The following SDCCAG8 variants were observed in gnomAD, a reference collection of about 807,000 sequenced individuals.
The protein encoded by SDCCAG8 is serologically defined colon cancer antigen 8.
Under a neutral mutation model 101.8 loss-of-function variants are expected in SDCCAG8, and 74 were observed. The observed-to-expected ratio is 0.73, with a 90% confidence interval of 0.60 to 0.88. The LOEUF (loss-of-function observed/expected upper bound fraction) is 0.88. Ranked by LOEUF, SDCCAG8 falls within the 40% of genes least tolerant of loss-of-function variation. SDCCAG8 has a pLI of 0.00. For missense variants in SDCCAG8, 787 were observed against 822.6 expected, an observed-to-expected ratio of 0.96 and a Z score of 0.53; for synonymous variants, 281 against 292.9, an observed-to-expected ratio of 0.96 and a Z score of 0.41.
intron 9 of SDCCAG8, chr1:243,318,594 T>C (rs1221078409): frequency 3.0e-6 from 3 of 984,594 alleles, no homozygotes; most frequent in African/African-American, 1.7e-5. Flanking sequence ...ATCCAGTTCA[T>C]CCATAACTCT....
At chr1:243,477,012 A>ACG (rs1662552280) in intron 16 of SDCCAG8, among the ~76,000 whole-genome samples, 1 of 78,662 alleles carries the variant, frequency 1.3e-5, no homozygotes, top group Non-Finnish European at 3.0e-5. Context: ...ACACACACAC[A>ACG]CACACACACA....
At chr1:243,303,700 ATG>A (rs952431237) in intron 6 of SDCCAG8, among the ~76,000 whole-genome samples, 3 of 152,210 alleles carry the variant, frequency 2.0e-5, no homozygotes, top group Admixed American at 6.5e-5. Context: ...CATACAAAAT[ATG>A]TGTTAATTGT....
chr1:243,462,984 C>T (rs1659435855), intron 16 of SDCCAG8, among the ~76,000 whole-genome samples: 1 of 152,246 alleles, frequency 6.6e-6, no homozygotes, highest in Admixed American at 6.5e-5. Flanking sequence ...TCTCTGAAAG[C>T]TGTTTATTTT....
At chr1:243,412,759 T>A (rs1187339014) in intron 13 of SDCCAG8, among the ~76,000 whole-genome samples, 3 of 152,124 alleles carry the variant, frequency 2.0e-5, no homozygotes, top group Non-Finnish European at 4.4e-5. Context: ...AACATTTTAA[T>A]CCTACCTCTG....
At chr1:243,331,745 T>G (rs1328683380) in intron 10 of SDCCAG8, among the ~76,000 whole-genome samples, 1 of 152,210 alleles carries the variant, frequency 6.6e-6, no homozygotes, top group Non-Finnish European at 1.5e-5. Context: ...GTCCTTTCAG[T>G]GCTTTCTAGC....
At chr1:243,288,778 G>A (rs1410444114) in intron 5 of SDCCAG8, among the ~76,000 whole-genome samples, 6 of 152,138 alleles carry the variant, frequency 3.9e-5, no homozygotes, top group Admixed American at 2.6e-4. Context: ...GGAGACCAAG[G>A]TGGGTGGATC....
intron 16 of SDCCAG8, among the ~76,000 whole-genome samples, chr1:243,470,580 C>A (rs770485642): frequency 6.6e-6 from 1 of 151,418 alleles, no homozygotes; most frequent in Non-Finnish European, 1.5e-5. Flanking sequence ...AGGATTTCAA[C>A]GGTGTCAACA....
chr1:243,423,811 T>C (rs912867391), intron 15 of SDCCAG8, among the ~76,000 whole-genome samples: 8 of 152,222 alleles, frequency 5.3e-5, no homozygotes, highest in Middle Eastern at 3.4e-3. Context: ...GTGGACTAAG[T>C]AATATCTGGG....
chr1:243,492,707 A>G (rs1225137214), intron 17 of SDCCAG8, among the ~76,000 whole-genome samples: 3 of 145,940 alleles, frequency 2.1e-5, no homozygotes, highest in Non-Finnish European at 4.5e-5. Flanking sequence ...TCCTGGGTTC[A>G]AGCAATTCTC....
intron 13 of SDCCAG8, 71 bp from the exon 14 acceptor site, chr1:243,415,631 C>T: frequency 6.2e-7 from 1 of 1,602,806 alleles, no homozygotes; most frequent in Non-Finnish European, 8.5e-7. Flanking sequence ...TCTCTCTGGT[C>T]TATAGGGGAC....
chr1:243,361,892 T>C (rs985378478), intron 12 of SDCCAG8, among the ~76,000 whole-genome samples: 1 of 152,262 alleles, frequency 6.6e-6, no homozygotes, highest in Non-Finnish European at 1.5e-5. Context: ...CATTAAAATG[T>C]AGGTTGTTTG....
intron 1 of SDCCAG8, among the ~76,000 whole-genome samples, chr1:243,266,965 C>A (rs754218422): frequency 2.0e-3 from 250 of 125,584 alleles, no homozygotes; most frequent in Non-Finnish European, 3.9e-3. Context: ...AAAAAAAATG[C>A]TGGGCGCGGT....
chr1:243,401,851 T>G (rs770665735), intron 13 of SDCCAG8, among the ~76,000 whole-genome samples: 1 of 152,196 alleles, frequency 6.6e-6, no homozygotes, highest in African/African-American at 2.4e-5. Context: ...AAATCATAGG[T>G]GAGTGGCTGA....
At chr1:243,368,211 CAAA>C (rs60270982) in intron 12 of SDCCAG8, among the ~76,000 whole-genome samples, 8 of 142,700 alleles carry the variant, frequency 5.6e-5, no homozygotes, top group Admixed American at 7.0e-5. Flanking sequence ...GACCCTGTCT[CAAA>C]AAAAAAAAAA....
chr1:243,378,682 A>G, intron 12 of SDCCAG8, 39 bp from the exon 13 acceptor site: 1 of 1,608,684 alleles, frequency 6.2e-7, no homozygotes, highest in Non-Finnish European at 8.5e-7. Flanking sequence ...AAGTGCATGT[A>G]TTTTATATGG....
chr1:243,426,033 G>A (rs1301731216), intron 15 of SDCCAG8, among the ~76,000 whole-genome samples: 1 of 152,162 alleles, frequency 6.6e-6, no homozygotes, highest in Non-Finnish European at 1.5e-5. Context: ...CATTAAACTG[G>A]TTATGTTAAT....
intron 16 of SDCCAG8, among the ~76,000 whole-genome samples, chr1:243,446,700 T>C (rs2082933306): frequency 6.6e-6 from 1 of 152,144 alleles, no homozygotes; most frequent in Non-Finnish European, 1.5e-5. Context: ...GTGGAGCTTT[T>C]ATATACTGAG....
At chr1:243,274,768 A>C (rs899369494) in intron 4 of SDCCAG8, 112 bp downstream of exon 4, 1 of 669,388 alleles carries the variant, frequency 1.5e-6, no homozygotes, top group African/African-American at 1.8e-5. Flanking sequence ...TACATTGACA[A>C]TTGCTATTCT....
At chr1:243,357,289 G>A (rs1004660348) in intron 12 of SDCCAG8, among the ~76,000 whole-genome samples, 1 of 151,788 alleles carries the variant, frequency 6.6e-6, no homozygotes, top group Non-Finnish European at 1.5e-5. Context: ...TGAGGCAAGA[G>A]AATCGCTTGA....
Sources: allele counts gnomAD v4.1 joint callset (sites outside exome capture counted in the v4.1 genomes callset), GRCh38; gene constraint gnomAD v4.1.1; transcripts MANE v1.5; gene names NCBI Gene and HGNC (gene_info 2026-07-23, HGNC 2026-07-21).